Variants in FERMT2 observed in about 807,000 individuals in gnomAD.
FERMT2 encodes the protein fermitin family homolog 2.
Under a neutral mutation model 82.7 loss-of-function variants are expected in FERMT2, and 15 were observed. The ratio of observed to expected loss-of-function variants is 0.18; its 90% CI spans 0.12 to 0.28. FERMT2 has a LOEUF of 0.28. FERMT2 is among the 10% of genes least tolerant of loss of function. The pLI, the probability that FERMT2 is intolerant of heterozygous loss-of-function variation, is 1.00. For missense variants in FERMT2, 645 were observed against 809.4 expected, an observed-to-expected ratio of 0.80 and a Z score of 2.46; for synonymous variants, 274 against 271.5, an observed-to-expected ratio of 1.01 and a Z score of -0.09.
chr14:52,902,971 G>A (rs1189572190), intron 3 of FERMT2, among the ~76,000 whole-genome samples: 6 of 141,150 alleles, frequency 4.3e-5, no homozygotes, highest in South Asian at 2.3e-4. Context: ...CAAGTGGATC[G>A]ATCCAAGAAC....
Position 52,857,814 on chromosome 14 carries a change from A to C in FERMT2, c.*563T>G, listed in dbSNP as rs1884659618. ...ACGAGACAATATACATAACATGCTT[A>C]TTCAAGGACAAAAACAAATCAAGCA... On this transcript the variant is annotated 3_prime_UTR_variant, in exon 15 of 15. Coordinates refer to ENST00000341590, the MANE Select transcript of FERMT2 (RefSeq NM_006832.3). The C allele has an allele frequency of 6.5e-6, 1 of 153,500 alleles. No individual in the cohort carries two copies. Among genetic ancestry groups the C allele is most frequent in the Non-Finnish European group, 1.5e-5 (1 of 68,600 alleles). 9.5% of individuals were successfully genotyped at this position (153,500 alleles called of 1,614,324 possible). A position where few individuals can be genotyped will look rare whatever the true frequency, so the allele number is the denominator to read the frequency against.
At chr14:52,915,360 A>G (rs1321398971) in intron 3 of FERMT2, among the ~76,000 whole-genome samples, 4 of 152,236 alleles carry the variant, frequency 2.6e-5, no homozygotes, top group African/African-American at 9.6e-5. Context: ...TACTTGCTCT[A>G]TCAGATATAG....
intron 3 of FERMT2, among the ~76,000 whole-genome samples, chr14:52,911,881 T>C (rs1370043768): frequency 6.6e-6 from 1 of 152,206 alleles, no homozygotes; most frequent in Non-Finnish European, 1.5e-5. Flanking sequence ...TATTTACTTT[T>C]GTAGCCAAAC....
In FERMT2 at chr14:52,893,476, T is replaced by A; in HGVS notation, c.392-49A>T. 5 of 1,347,670 alleles carry A rather than the reference T, an allele frequency of 3.7e-6. No homozygotes were observed. In the South Asian group the frequency reaches 6.7e-5, roughly 18 times the overall value. The allele number at this position is 1,347,670 out of a possible 1,614,324, so 83.5% of individuals were successfully genotyped here. ...ACTAGAACAAAGGAAAATTTAAACA[T>A]TTTACACTTAGTAAATCTATTGTTT... On this transcript the variant is annotated intron_variant, in intron 3 of 14. Transcript: ENST00000341590.
chr14:52,916,180 C>T (rs1413866235), intron 3 of FERMT2, among the ~76,000 whole-genome samples: 1 of 151,914 alleles, frequency 6.6e-6, no homozygotes, highest in Non-Finnish European at 1.5e-5. Flanking sequence ...CCCATCTATA[C>T]TAAAAATACA....
At position 52,869,213 on chromosome 14, in the gene FERMT2, G is replaced by C. The variant is rs961636976; in HGVS notation, c.1273+3586C>G. ...ACCCAAAAGTGAAACGCCCGTGACTGAGAGAGGAAGGTAGTGACCCTAATT... is the reference window on the plus strand; with the variant it reads ...ACCCAAAAGTGAAACGCCCGTGACTCAGAGAGGAAGGTAGTGACCCTAATT... On this transcript the variant is annotated intron_variant, in intron 10 of 14. Coordinates refer to ENST00000341590, the MANE Select transcript of FERMT2 (RefSeq NM_006832.3). 2.0e-5 allele frequency among the ~76,000 whole-genome samples: 3 copies of C among 152,188 alleles called. No individual in the cohort carries two copies. In the East Asian group the frequency reaches 5.8e-4, roughly 29 times the overall value.
intron 3 of FERMT2, among the ~76,000 whole-genome samples, chr14:52,907,635 T>A (rs1022036164): frequency 3.3e-5 from 5 of 152,172 alleles, no homozygotes; most frequent in Non-Finnish European, 7.3e-5. Flanking sequence ...TGTGAAGTAG[T>A]ATATTATTTG....
intron 12 of FERMT2, chr14:52,862,148 TCCA>T (rs1205918167): frequency 6.6e-6 from 1 of 152,082 alleles, no homozygotes; most frequent in African/African-American, 2.4e-5. Flanking sequence ...CACTGCAACC[TCCA>T]CCTCCCGGGT....
At chr14:52,920,029 T>C (rs144153382) in intron 2 of FERMT2, among the ~76,000 whole-genome samples, 7 of 152,336 alleles carry the variant, frequency 4.6e-5, no homozygotes, top group African/African-American at 1.7e-4. Flanking sequence ...GGTACAAGTA[T>C]AACAGGAAAC....
intron 2 of FERMT2, among the ~76,000 whole-genome samples, chr14:52,938,805 A>T (rs2139692561): frequency 6.6e-6 from 1 of 152,226 alleles, no homozygotes; most frequent in South Asian, 2.1e-4. Flanking sequence ...GCCTCAAGTG[A>T]TCTGCCCATC....
At position 52,879,076 on chromosome 14, in the gene FERMT2, T is replaced by C. The variant is rs536756753; in HGVS notation, c.856-387A>G. Among the ~76,000 whole-genome samples the C allele has an allele frequency of 2.0e-5, 3 of 152,362 alleles. No individual in the cohort carries two copies. The South Asian group carries it at 6.2e-4, about 32-fold the overall frequency. On this transcript the variant is annotated intron_variant, in intron 6 of 14. Transcript: ENST00000341590. Reference sequence around the variant, plus strand: ...ACCGATTATTTTTCAGTGTTATTACTGCAACTTGCCATACAAACATGTAAT... The same window carrying C: ...ACCGATTATTTTTCAGTGTTATTACCGCAACTTGCCATACAAACATGTAAT...
At chr14:52,925,129 G>A (rs1889180250) in intron 2 of FERMT2, among the ~76,000 whole-genome samples, 1 of 152,074 alleles carries the variant, frequency 6.6e-6, no homozygotes, top group African/African-American at 2.4e-5. Flanking sequence ...ACTATCACAA[G>A]AACATACCTA....
chr14:52,860,920 A>T, intron 12 of FERMT2: 1 of 885,650 alleles, frequency 1.1e-6, no homozygotes, highest in Non-Finnish European at 1.8e-6. Flanking sequence ...TTTTAAATTT[A>T]AATTTCACTA....
At chr14:52,893,696 T>C (rs780829495) in intron 3 of FERMT2, among the ~76,000 whole-genome samples, 17 of 152,206 alleles carry the variant, frequency 1.1e-4, no homozygotes, top group Middle Eastern at 3.2e-3. Context: ...CCCTTATTTA[T>C]ATATTTATTT....
chr14:52,948,136 C>T (rs1045988637), intron 2 of FERMT2, among the ~76,000 whole-genome samples: 1 of 152,166 alleles, frequency 6.6e-6, no homozygotes, highest in African/African-American at 2.4e-5. Context: ...TCCCTACCAC[C>T]ATCTCCACCT....
chr14:52,880,296 G>GT (rs1281311799), intron 6 of FERMT2, among the ~76,000 whole-genome samples: 4 of 152,174 alleles, frequency 2.6e-5, no homozygotes, highest in Non-Finnish European at 4.4e-5. Context: ...CTTTTGGCAC[G>GT]TAATTAGTAA....
intron 7 of FERMT2, among the ~76,000 whole-genome samples, chr14:52,876,536 A>C (rs1224020985): frequency 6.6e-6 from 1 of 152,170 alleles, no homozygotes; most frequent in East Asian, 1.9e-4. Flanking sequence ...TACCGGAGAA[A>C]TCCTGGCTGT....
chr14:52,919,241 C>T lies in FERMT2; in HGVS notation c.273G>A (p.Gln91=). 1 of 1,614,070 alleles carries T rather than the reference C, an allele frequency of 6.2e-7. No homozygotes were observed. The highest frequency in any genetic ancestry group is 8.5e-7 in the Non-Finnish European group (1 of 1,179,964). The change falls in exon 3 of 15, where the codon CAG becomes CAA. Residue 91 remains glutamine, a synonymous_variant. Coordinates refer to ENST00000341590, the MANE Select transcript of FERMT2 (RefSeq NM_006832.3). ...KYGIQADAKL[Q]FTPQHKLLRL... ...GGAGCAGTTTGTGCTGAGGGGTGAA[C>T]TGAAGCTTAGCATCTGCCTGAATAC...
intron 3 of FERMT2, among the ~76,000 whole-genome samples, chr14:52,918,692 T>C (rs979313509): frequency 3.3e-5 from 5 of 152,178 alleles, no homozygotes; most frequent in Non-Finnish European, 7.3e-5. Flanking sequence ...GATGTTCAAA[T>C]TGTAGACTGG....
Sources: allele counts gnomAD v4.1 joint callset (sites outside exome capture counted in the v4.1 genomes callset), GRCh38; gene constraint gnomAD v4.1.1; transcripts MANE v1.5; gene names NCBI Gene and HGNC (gene_info 2026-07-23, HGNC 2026-07-21).